EYS: variants seen among roughly 807,000 people sequenced by gnomAD.
The protein encoded by EYS is EGF-like photoreceptor maintenance factor.
EYS carries 250 observed loss-of-function variants against 282.1 expected under a neutral mutation model. The observed-to-expected ratio is 0.89, with a 90% CI of 0.80 to 0.98. EYS has a LOEUF of 0.98. Among genes scored for constraint, EYS ranks in the 50% least tolerant of loss-of-function variants. EYS has a pLI of 0.00. For missense variants in EYS, 4,016 were observed against 3,709.0 expected, an observed-to-expected ratio of 1.08 and a Z score of -2.15; for synonymous variants, 1,355 against 1,282.9, an observed-to-expected ratio of 1.06 and a Z score of -1.20.
intron 12 of EYS, among the ~76,000 whole-genome samples, chr6:65,292,587 T>A (rs1442333869): frequency 6.6e-6 from 1 of 151,734 alleles, no homozygotes; most frequent in Non-Finnish European, 1.5e-5. Flanking sequence ...GTATATAAAG[T>A]ACCCCCTTTA....
chr6:64,930,461 TAA>T (rs55650031), intron 15 of EYS, among the ~76,000 whole-genome samples: 1,803 of 123,002 alleles, frequency 0.015, 23 homozygotes, highest in African/African-American at 0.035. Flanking sequence ...ATAAATAAGG[TAA>T]AAAAAAAAAA....
intron 30 of EYS, among the ~76,000 whole-genome samples, chr6:64,287,006 G>T (rs1768527778): frequency 6.6e-6 from 1 of 152,070 alleles, no homozygotes; most frequent in Non-Finnish European, 1.5e-5. Flanking sequence ...TTGGATGCCT[G>T]GTGAGATGTG....
intron 12 of EYS, among the ~76,000 whole-genome samples, chr6:65,113,571 G>T (rs551492757): frequency 6.9e-4 from 105 of 152,086 alleles, no homozygotes; most frequent in African/African-American, 2.2e-3. Context: ...ATTCAATACA[G>T]AATTTTAATT....
At chr6:64,406,759 A>T (rs2077296992) in intron 28 of EYS, among the ~76,000 whole-genome samples, 2 of 152,238 alleles carry the variant, frequency 1.3e-5, no homozygotes, top group African/African-American at 2.4e-5. Flanking sequence ...ATGAGATACC[A>T]TCTCATGCCA....
At chr6:65,541,660 A>G (rs1257611897) in intron 2 of EYS, among the ~76,000 whole-genome samples, 3 of 118,698 alleles carry the variant, frequency 2.5e-5, no homozygotes, top group Non-Finnish European at 5.7e-5. Context: ...TTTTTCCCCA[A>G]GGGTTGATAC....
chr6:64,318,964 T>C (rs1770091822), intron 29 of EYS, among the ~76,000 whole-genome samples: 1 of 151,980 alleles, frequency 6.6e-6, no homozygotes. Flanking sequence ...CAATTATTGC[T>C]GACTTATAGT....
intron 30 of EYS, among the ~76,000 whole-genome samples, chr6:64,244,826 T>C (rs1265759090): frequency 1.3e-5 from 2 of 152,246 alleles, no homozygotes; most frequent in African/African-American, 4.8e-5. Flanking sequence ...TTTTATTTTC[T>C]ATCTTTTTTT....
intron 2 of EYS, among the ~76,000 whole-genome samples, chr6:65,595,404 A>T (rs540152451): frequency 1.3e-5 from 2 of 151,918 alleles, no homozygotes; most frequent in East Asian, 3.9e-4. Context: ...ACCAACATGG[A>T]ACATGTATAC....
At chr6:64,510,837 T>G (rs1777368567) in intron 26 of EYS, among the ~76,000 whole-genome samples, 1 of 152,080 alleles carries the variant, frequency 6.6e-6, no homozygotes, top group South Asian at 2.1e-4. Context: ...CTAGAATATG[T>G]TAGAACCTGC....
intron 33 of EYS, among the ~76,000 whole-genome samples, chr6:64,012,409 C>A (rs1397359763): frequency 6.6e-6 from 1 of 152,128 alleles, no homozygotes; most frequent in Non-Finnish European, 1.5e-5. Context: ...ACTCAGAGCC[C>A]AGAGACTCAG....
chr6:64,292,855 C>A (rs1166770573), intron 30 of EYS, among the ~76,000 whole-genome samples: 1 of 152,026 alleles, frequency 6.6e-6, no homozygotes, highest in Non-Finnish European at 1.5e-5. Flanking sequence ...TACATCAAAT[C>A]ATGCAATACT....
intron 31 of EYS, among the ~76,000 whole-genome samples, chr6:64,107,817 G>GA (rs897362004): frequency 6.6e-6 from 1 of 152,060 alleles, no homozygotes; most frequent in African/African-American, 2.4e-5. Context: ...AGGGTGAGGG[G>GA]AAGAGTTCTA....
chr6:64,652,191 A>G (rs1768585945), intron 22 of EYS, among the ~76,000 whole-genome samples: 1 of 152,234 alleles, frequency 6.6e-6, no homozygotes, highest in Non-Finnish European at 1.5e-5. Context: ...ATCTTCTCTT[A>G]AGTATAAATG....
At chr6:64,360,475 C>A (rs1267940622) in intron 29 of EYS, among the ~76,000 whole-genome samples, 1 of 151,550 alleles carries the variant, frequency 6.6e-6, no homozygotes, top group Admixed American at 6.6e-5. Context: ...GCTAGACCTT[C>A]TTGGTACACT....
chr6:65,007,576 G>C (rs975583810), intron 13 of EYS, among the ~76,000 whole-genome samples: 5 of 152,228 alleles, frequency 3.3e-5, no homozygotes, highest in African/African-American at 1.2e-4. Flanking sequence ...TATGTAAAAA[G>C]TGTGATTTAT....
intron 7 of EYS, among the ~76,000 whole-genome samples, chr6:65,401,919 T>C (rs1408418091): frequency 1.3e-5 from 2 of 151,948 alleles, no homozygotes; most frequent in Admixed American, 1.3e-4. Flanking sequence ...AGAAAATGTC[T>C]ATAAAGCTAT....
chr6:64,496,865 T>C (rs112174903), intron 26 of EYS, among the ~76,000 whole-genome samples: 1,577 of 152,198 alleles, frequency 0.01, 28 homozygotes, highest in African/African-American at 0.036. Context: ...TTGGATTGGA[T>C]TCTCTATTTT....
intron 19 of EYS, among the ~76,000 whole-genome samples, chr6:64,856,132 C>T (rs1255650014): frequency 1.3e-5 from 2 of 152,022 alleles, no homozygotes; most frequent in Non-Finnish European, 2.9e-5. Context: ...TACTAGAGAA[C>T]ATTATTGTTG....
chr6:65,170,317 GT>G (rs1160734976), intron 12 of EYS, among the ~76,000 whole-genome samples: 1 of 151,424 alleles, frequency 6.6e-6, no homozygotes, highest in East Asian at 2.0e-4. Flanking sequence ...GGTACATGGA[GT>G]TTTTTGTCAT....
Sources: allele counts gnomAD v4.1 joint callset (sites outside exome capture counted in the v4.1 genomes callset), GRCh38; gene constraint gnomAD v4.1.1; transcripts MANE v1.5; gene names NCBI Gene and HGNC (gene_info 2026-07-23, HGNC 2026-07-21).